Variants in HMCN2 observed in about 807,000 individuals in gnomAD.
HMCN2 encodes the protein hemicentin-2.
HMCN2 carries 325 observed loss-of-function variants against 377.5 expected under a neutral mutation model. That is an observed-to-expected ratio of 0.86 (90% confidence interval 0.79 to 0.94). The LOEUF is 0.94. Among genes scored for constraint, HMCN2 ranks in the 40% least tolerant of loss-of-function variants. HMCN2 has a pLI of 0.00. For missense variants in HMCN2, 4,543 were observed against 4,725.3 expected (o/e 0.96, Z 1.13); for synonymous variants, 2,007 against 2,046.8 (o/e 0.98, Z 0.53).
intron 96 of HMCN2, 148 bp from the exon 97 acceptor site, chr9:130,432,281 G>A: frequency 1.4e-6 from 1 of 704,932 alleles, no homozygotes; most frequent in East Asian, 2.7e-5. Flanking sequence ...CCAGCTGGGT[G>A]GTCATGGGTC....
chr9:130,417,606 A>G (rs10901326), intron 85 of HMCN2, among the ~76,000 whole-genome samples: 24,793 of 150,876 alleles, frequency 0.16, 2,545 homozygotes, highest in East Asian at 0.4. Flanking sequence ...AAGAGAAGGT[A>G]AAGTGGAGAC....
At chr9:130,277,532 C>T (rs1834760073) in intron 1 of HMCN2, among the ~76,000 whole-genome samples, 1 of 152,160 alleles carries the variant, frequency 6.6e-6, no homozygotes, top group African/African-American at 2.4e-5. Flanking sequence ...TTTACTTCCC[C>T]AAGCCTCCAT....
rs368414391 is a variant in HMCN2, at chr9:130,309,914, G to T, written c.2203G>T (p.Gly735Cys). Residue 735 changes from glycine (G) to cysteine (C), a missense_variant and splice_region_variant, in exon 15 of 98, where the codon GGT becomes TGT. By Grantham distance (159) the Gly-to-Cys change is radical. Transcript: ENST00000683500. Reference protein sequence around the residue: ...PPPRVIWYRGGLEMILAPEGS... With the variant: ...PPPRVIWYRGCLEMILAPEGS... Reference sequence around the variant, plus strand: ...ATGCTTCTTCCTCTTTGGTCCAGGGGGTCTTGAAATGATCCTGGCCCCTGA... The same window carrying T: ...ATGCTTCTTCCTCTTTGGTCCAGGGTGTCTTGAAATGATCCTGGCCCCTGA... 9 of 499,562 alleles carry T rather than the reference G, an allele frequency of 1.8e-5. No homozygotes were observed. The highest frequency in any genetic ancestry group is 1.6e-4 in the African/African-American group (8 of 50,984). 30.9% of individuals were successfully genotyped at this position (499,562 alleles called of 1,614,324 possible). A position where few individuals can be genotyped will look rare whatever the true frequency, so the allele number is the denominator to read the frequency against.
chr9:130,429,786 C>T lies in HMCN2; in HGVS notation c.14326+101C>T, dbSNP rs1387335488. Reference sequence around the variant, plus strand: ...CCTGCCTAGTTACGGGGACACCCACCCTCTGGCCAGCACCTCAGCTCAGGG... The same window carrying T: ...CCTGCCTAGTTACGGGGACACCCACTCTCTGGCCAGCACCTCAGCTCAGGG... On this transcript the variant is annotated intron_variant, in intron 94 of 97. Transcript: ENST00000683500. The T allele has an allele frequency of 3.5e-6, 5 of 1,443,846 alleles. No homozygotes were observed. In the African/African-American group the frequency reaches 5.7e-5, roughly 17 times the overall value. 89.4% of individuals were successfully genotyped at this position (1,443,846 alleles called of 1,614,324 possible). A position where few individuals can be genotyped will look rare whatever the true frequency, so the allele number is the denominator to read the frequency against.
rs1370222928 is a variant in HMCN2, at chr9:130,369,586, C to T, written c.6804C>T (p.Ala2268=). 31 of 985,720 alleles carry T rather than the reference C, an allele frequency of 3.1e-5. No individual in the cohort carries two copies. Among genetic ancestry groups the T allele is most frequent in the Middle Eastern group, 5.2e-4 (1 of 1,936 alleles). The allele number at this position is 985,720 out of a possible 1,614,324, so 61.1% of individuals were successfully genotyped here. The change falls in exon 45 of 98, where the codon GCC becomes GCT. Residue 2268 remains alanine (A), a synonymous_variant. Transcript: ENST00000683500. The surrounding 1 kb of genome is among the most constrained non-coding windows in gnomAD (Gnocchi z 4.5). The part of the protein sequence containing the change: ...QLEVHVPPQI[A]GPREPPTQVS... ...CCCCAACAGTTCCCCCTCAGATTGC[C>T]GGTCCCCGGGAGCCTCCCACACAAG...
chr9:130,417,711 C>T (rs1043350226), intron 85 of HMCN2, among the ~76,000 whole-genome samples: 2 of 152,142 alleles, frequency 1.3e-5, no homozygotes, highest in African/African-American at 4.8e-5. Context: ...CCCAGAACCT[C>T]TGGAGGAAGC....
chr9:130,407,438 C>A, intron 82 of HMCN2, 133 bp from the exon 83 acceptor site: 1 of 759,868 alleles, frequency 1.3e-6, no homozygotes, highest in Non-Finnish European at 1.8e-6. Flanking sequence ...AGGAACGTGT[C>A]TGATTTGATC....
Position 130,353,148 on chromosome 9 carries a change from T to A in HMCN2, c.4807T>A (p.Cys1603Ser), listed in dbSNP as rs1326203657. 6.9e-6 allele frequency: 9 copies of A among 1,304,016 alleles called. No homozygotes were observed. Among genetic ancestry groups the A allele is most frequent in the Non-Finnish European group, 9.1e-6 (9 of 988,924 alleles). 80.8% of individuals were successfully genotyped at this position (1,304,016 alleles called of 1,614,324 possible). Residue 1603 changes from cysteine to serine, a missense_variant, in exon 31 of 98, where the codon TGC becomes AGC. Around this residue, in one of 5 missense-constraint regions of HMCN2, gnomAD observed 1,032 missense variants for 1,285.1 expected, o/e 0.80. Coordinates refer to ENST00000683500, the MANE Select transcript of HMCN2 (RefSeq NM_001291815.2). ...AQSSDAGVYT[C>S]KASNAVGAAE... is the part of the protein sequence containing the mutation. ...GAGCTCCGATGCCGGCGTCTACACC[T>A]GCAAGGCCAGCAATGCTGTGGGGGC...
chr9:130,286,399 T>A (rs1835415433), intron 4 of HMCN2, 89 bp downstream of exon 4: 2 of 440,168 alleles, frequency 4.5e-6, no homozygotes, highest in African/African-American at 4.0e-5. Context: ...GGTGGTTGAA[T>A]GACAATCAAT....
At chr9:130,402,480 G>A (rs1361926914) in intron 77 of HMCN2, among the ~76,000 whole-genome samples, 1 of 152,214 alleles carries the variant, frequency 6.6e-6, no homozygotes, top group Non-Finnish European at 1.5e-5. Context: ...ACAGGCAGGG[G>A]AGTGGCAGAT....
In HMCN2 at chr9:130,348,683, T is replaced by A. The variant is rs371003512; in HGVS notation, c.4155+8T>A. ...CTGAAGGACGCGCAGCTGGTGGGTG[T>A]CCCCCTAGGGTGGGCGGGGTATGGG... On this transcript the variant is annotated splice_region_variant and intron_variant, in intron 27 of 97. Coordinates refer to ENST00000683500, the MANE Select transcript of HMCN2 (RefSeq NM_001291815.2). The A allele has an allele frequency of 2.1e-4, 98 of 468,264 alleles. No individual in the cohort carries two copies. Among genetic ancestry groups the A allele is most frequent in the South Asian group, 1.1e-3 (71 of 62,714 alleles). 29.0% of individuals were successfully genotyped at this position (468,264 alleles called of 1,614,324 possible). A position where few individuals can be genotyped will look rare whatever the true frequency, so the allele number is the denominator to read the frequency against.
Position 130,394,130 on chromosome 9 carries a change from G to C in HMCN2, c.10501+122G>C. ...GGAGACCTGGGACTGCCACCTGGGA[G>C]CAGAACTCAGGGAACTTGGTTCTGG... On this transcript the variant is annotated intron_variant, in intron 68 of 97. Transcript: ENST00000683500. This position sits in a 1 kb window ranked among gnomAD's most constrained non-coding sequence, Gnocchi z 5.1. 7.3e-6 allele frequency: 7 copies of C among 959,600 alleles called. No individual in the cohort carries two copies. In the South Asian group the frequency reaches 1.2e-4, roughly 16 times the overall value. The allele number at this position is 959,600 out of a possible 1,614,324, so 59.4% of individuals were successfully genotyped here. A position where few individuals can be genotyped will look rare whatever the true frequency, so the allele number is the denominator to read the frequency against.
intron 6 of HMCN2, among the ~76,000 whole-genome samples, chr9:130,296,117 G>A (rs1554931978): frequency 2.0e-5 from 3 of 152,124 alleles, no homozygotes; most frequent in African/African-American, 7.2e-5. Flanking sequence ...GGGCTGGCAG[G>A]AAGAGGAGGG....
chr9:130,402,023 G>C (rs530593994), intron 77 of HMCN2, among the ~76,000 whole-genome samples: 1 of 152,326 alleles, frequency 6.6e-6, no homozygotes, highest in Admixed American at 6.5e-5. Flanking sequence ...GATGCAGTGA[G>C]CTATGATTGC....
chr9:130,283,024 T>A (rs1168153249), intron 1 of HMCN2, among the ~76,000 whole-genome samples: 1 of 152,160 alleles, frequency 6.6e-6, no homozygotes, highest in Non-Finnish European at 1.5e-5. Context: ...TGAGCCGAGA[T>A]CATGCCACTA....
intron 22 of HMCN2, among the ~76,000 whole-genome samples, chr9:130,327,789 G>A (rs1277835994): frequency 1.3e-5 from 2 of 152,200 alleles, no homozygotes; most frequent in African/African-American, 4.8e-5. Context: ...GCCAGGGAGT[G>A]AGCTGCTCGC....
At chr9:130,424,532 C>T (rs1384914374) in intron 87 of HMCN2, among the ~76,000 whole-genome samples, 1 of 152,122 alleles carries the variant, frequency 6.6e-6, no homozygotes, top group Non-Finnish European at 1.5e-5. Flanking sequence ...CTCACTATGT[C>T]GCCTAGCATT....
chr9:130,375,450 A>T, intron 49 of HMCN2, 113 bp from the exon 50 acceptor site: 1 of 513,690 alleles, frequency 1.9e-6, no homozygotes, highest in Non-Finnish European at 2.5e-6. Flanking sequence ...CCATCTCTGT[A>T]ATGTAACTGA....
intron 8 of HMCN2, among the ~76,000 whole-genome samples, chr9:130,302,620 G>A (rs1836579667): frequency 6.6e-6 from 1 of 152,186 alleles, no homozygotes; most frequent in African/African-American, 2.4e-5. Flanking sequence ...TGTGCCATGA[G>A]TTCCCCATGT....
Sources: gnomAD v4.1 joint callset for allele counts (sites outside exome capture counted in the v4.1 genomes callset) on GRCh38, gnomAD v4.1.1 for gene constraint, gnomAD v4.1.1 regional missense constraint, Gnocchi (gnomAD v3.1) non-coding constraint, MANE v1.5 for transcripts, NCBI Gene and HGNC (gene_info 2026-07-23, HGNC 2026-07-21) for gene names.